ACO2: variants seen among roughly 807,000 people sequenced by gnomAD.
ACO2 encodes aconitate hydratase, mitochondrial.
ACO2 carries 31 observed loss-of-function variants against 84.5 expected under a neutral mutation model. The ratio of observed to expected loss-of-function variants is 0.37; its 90% CI spans 0.28 to 0.50. The LOEUF (loss-of-function observed/expected upper bound fraction) is 0.50. ACO2 is among the 20% of genes least tolerant of loss of function. The probability of loss-of-function intolerance (pLI) is 0.97; values close to 1 mark genes in which losing one functional copy is unlikely to be tolerated. For synonymous variants in ACO2, 414 were observed against 412.7 expected (o/e 1.00, Z -0.04); for missense variants, 685 against 1,029.3 (o/e 0.67, Z 4.58).
chr22:41,486,204 A>T (rs1305247384), intron 1 of ACO2, among the ~76,000 whole-genome samples: 1 of 151,586 alleles, frequency 6.6e-6, no homozygotes, highest in African/African-American at 2.4e-5. Flanking sequence ...TGACTGTCTC[A>T]CTCTTCTTGG....
At chr22:41,469,470 C>T (rs1039844037) in intron 1 of ACO2, 1 of 428,346 alleles carries the variant, frequency 2.3e-6, no homozygotes, top group Non-Finnish European at 4.2e-6. Flanking sequence ...TTGAGGACAG[C>T]ATTGCCTGCT....
chr22:41,494,032 C>G (rs1434608745), intron 1 of ACO2, among the ~76,000 whole-genome samples: 1 of 152,192 alleles, frequency 6.6e-6, no homozygotes, highest in Non-Finnish European at 1.5e-5. Flanking sequence ...CAGCACAGAT[C>G]TAGAACATGT....
chr22:41,523,367 AAG>A (rs1258691562), intron 11 of ACO2, 89 bp downstream of exon 11: 5 of 1,042,086 alleles, frequency 4.8e-6, no homozygotes, highest in Non-Finnish European at 5.6e-6. Flanking sequence ...GGGTGGAGAG[AAG>A]AGACTCCAGC....
Position 41,528,221 on chromosome 22 carries a change from C to T in ACO2, c.2208+199C>T, listed in dbSNP as rs1306452582. 6 of 854,026 alleles carry T rather than the reference C, an allele frequency of 7.0e-6. No individual in the cohort carries two copies. The Admixed American group carries it at 1.4e-4, about 20-fold the overall frequency. The allele number at this position is 854,026 out of a possible 1,614,324, so 52.9% of individuals were successfully genotyped here. On this transcript the variant is annotated intron_variant, in intron 17 of 17. Transcript: ENST00000216254. Reference sequence around the variant, plus strand: ...TGGAGTCAACCCGGGGCCCTCACACCTCCCCAACCTCCCTTTACTCACCAG... The same window carrying T: ...TGGAGTCAACCCGGGGCCCTCACACTTCCCCAACCTCCCTTTACTCACCAG...
At chr22:41,502,332 C>T (rs1248294329) in intron 2 of ACO2, among the ~76,000 whole-genome samples, 1 of 152,170 alleles carries the variant, frequency 6.6e-6, no homozygotes. Context: ...ACTCCAGACC[C>T]ACTGAGTCAG....
intron 4 of ACO2, among the ~76,000 whole-genome samples, chr22:41,513,559 G>A (rs184976421): frequency 2.6e-5 from 4 of 152,224 alleles, no homozygotes; most frequent in East Asian, 1.9e-4. Context: ...GGCCCTCCCC[G>A]TGCCTGGCAC....
At chr22:41,518,658 G>A (rs937219070) in intron 8 of ACO2, 86 bp downstream of exon 8, 20 of 1,059,596 alleles carry the variant, frequency 1.9e-5, no homozygotes, top group South Asian at 2.5e-5. Flanking sequence ...ACTGAGGGCC[G>A]GGTGGTGGCT....
At chr22:41,518,372 G>A in intron 7 of ACO2, 109 bp from the exon 8 acceptor site, 1 of 791,222 alleles carries the variant, frequency 1.3e-6, no homozygotes. Context: ...GGCCTAGTCA[G>A]TGCCCAGGGT....
intron 1 of ACO2, among the ~76,000 whole-genome samples, chr22:41,478,436 G>A (rs572181605): frequency 6.6e-6 from 1 of 152,170 alleles, no homozygotes; most frequent in East Asian, 1.9e-4. Context: ...GAGCCACTGC[G>A]CCTGGCCAAG....
intron 1 of ACO2, among the ~76,000 whole-genome samples, chr22:41,477,310 C>T (rs1361560831): frequency 4.0e-5 from 6 of 151,418 alleles, no homozygotes; most frequent in South Asian, 2.1e-4. Flanking sequence ...CCCGCCACCA[C>T]GCCCAGCTAA....
chr22:41,471,595 T>C (rs1452233174), intron 1 of ACO2, among the ~76,000 whole-genome samples: 1 of 152,228 alleles, frequency 6.6e-6, no homozygotes, highest in Non-Finnish European at 1.5e-5. Context: ...GCTTCCACTG[T>C]ATTCTAATGT....
In ACO2 at chr22:41,521,055, A is replaced by G. The variant is rs1307162008; in HGVS notation, c.1138+779A>G. On this transcript the variant is annotated intron_variant, in intron 9 of 17. Coordinates refer to ENST00000216254, the MANE Select transcript of ACO2 (RefSeq NM_001098.3). ...GCCTCCAAAAAAAAAAAAAAAAAAAAAAAAGAAAGAAAAGAAAAATTACTT... is the reference window on the plus strand; with the variant it reads ...GCCTCCAAAAAAAAAAAAAAAAAAAGAAAAGAAAGAAAAGAAAAATTACTT... Among the ~76,000 whole-genome samples, 3 of 148,896 alleles carry G rather than the reference A, an allele frequency of 2.0e-5. 1 individual carries two copies. Among genetic ancestry groups the G allele is most frequent in the East Asian group, 3.9e-4 (2 of 5,190 alleles).
In ACO2 at chr22:41,522,823, G is replaced by T. The variant is rs369508892; in HGVS notation, c.1139-7G>T. On this transcript the variant is annotated splice_polypyrimidine_tract_variant and splice_region_variant and intron_variant, in intron 9 of 17. Coordinates refer to ENST00000216254, the MANE Select transcript of ACO2 (RefSeq NM_001098.3). ...GACCCTTAACCCCACCACCCACAAT[G>T]CACCAGGTCTAATTGGTAGCTGCAC... 7.4e-6 allele frequency: 12 copies of T among 1,613,920 alleles called. No homozygotes were observed. In the African/African-American group the frequency reaches 1.5e-4, roughly 20 times the overall value.
At chr22:41,476,886 C>T (rs538059243) in intron 1 of ACO2, among the ~76,000 whole-genome samples, 60 of 151,534 alleles carry the variant, frequency 4.0e-4, no homozygotes, top group Middle Eastern at 3.4e-3. Flanking sequence ...TGGTAGCTCA[C>T]GGCTGTAATC....
At chr22:41,469,427 C>G (rs2037913294) in intron 1 of ACO2, 2 of 464,368 alleles carry the variant, frequency 4.3e-6, no homozygotes, top group Admixed American at 4.2e-5. Context: ...CAGCGGCGGC[C>G]GGGTGAAGAG....
chr22:41,476,109 T>G (rs2038010177), intron 1 of ACO2, among the ~76,000 whole-genome samples: 1 of 152,050 alleles, frequency 6.6e-6, no homozygotes, highest in Non-Finnish European at 1.5e-5. Flanking sequence ...CTGTTTGATG[T>G]GTTATAAAGC....
At chr22:41,498,095 G>A (rs538053040) in intron 1 of ACO2, among the ~76,000 whole-genome samples, 1 of 152,256 alleles carries the variant, frequency 6.6e-6, no homozygotes, top group East Asian at 1.9e-4. Context: ...AGTGAGCTGA[G>A]ATCGCTCCAC....
chr22:41,517,116 C>T (rs1176376454), intron 6 of ACO2, among the ~76,000 whole-genome samples: 6 of 152,166 alleles, frequency 3.9e-5, no homozygotes. Flanking sequence ...ATGGCATGAC[C>T]TTGAATCTCT....
chr22:41,513,236 C>T (rs184676175), intron 4 of ACO2, among the ~76,000 whole-genome samples: 12 of 152,346 alleles, frequency 7.9e-5, no homozygotes, highest in Non-Finnish European at 1.6e-4. Flanking sequence ...GTACAAATGC[C>T]CAGGCCTTTA....
Sources: gnomAD v4.1 joint callset for allele counts (sites outside exome capture counted in the v4.1 genomes callset) on GRCh38, gnomAD v4.1.1 for gene constraint, MANE v1.5 for transcripts, NCBI Gene and HGNC (gene_info 2026-07-23, HGNC 2026-07-21) for gene names.